The following CCDC175 variants were observed in gnomAD, a reference collection of about 807,000 sequenced individuals.
CCDC175 encodes the protein coiled-coil domain containing 175.
A neutral mutation model predicts 114.6 loss-of-function variants in CCDC175; 100 were observed. That is an observed-to-expected ratio of 0.87 (90% CI 0.74 to 1.03). The LOEUF is 1.03. Among genes scored for constraint, CCDC175 ranks in the 50% least tolerant of loss-of-function variants. The probability of loss-of-function intolerance (pLI) is 0.00; values close to 1 mark genes in which losing one functional copy is unlikely to be tolerated. For synonymous variants in CCDC175, 306 were observed against 308.7 expected, an observed-to-expected ratio of 0.99 and a Z score of 0.09; for missense variants, 880 against 917.8, an observed-to-expected ratio of 0.96 and a Z score of 0.53.
At chr14:59,514,549 T>C (rs896669043) in intron 17 of CCDC175, among the ~76,000 whole-genome samples, 1 of 152,096 alleles carries the variant, frequency 6.6e-6, no homozygotes, top group South Asian at 2.1e-4. Flanking sequence ...TTAGATCAAC[T>C]GGAAGAAAGG....
chr14:59,529,724 T>C (rs1461481796), intron 14 of CCDC175, among the ~76,000 whole-genome samples: 1 of 152,130 alleles, frequency 6.6e-6, no homozygotes, highest in Non-Finnish European at 1.5e-5. Context: ...TTTGTATCTT[T>C]TTCAGAAAAA....
chr14:59,539,835 G>A (rs1271497644), intron 11 of CCDC175, among the ~76,000 whole-genome samples: 1 of 152,170 alleles, frequency 6.6e-6, no homozygotes, highest in African/African-American at 2.4e-5. Context: ...GGGAAGCGGA[G>A]GTTGTGGTGA....
intron 3 of CCDC175, among the ~76,000 whole-genome samples, chr14:59,571,782 T>C (rs149018721): frequency 9.2e-5 from 14 of 152,174 alleles, no homozygotes; most frequent in Non-Finnish European, 1.6e-4. Context: ...AAAAATTGAA[T>C]GTACAATACA....
intron 2 of CCDC175, among the ~76,000 whole-genome samples, chr14:59,574,583 G>A (rs929534744): frequency 6.6e-6 from 1 of 152,224 alleles, no homozygotes; most frequent in African/African-American, 2.4e-5. Flanking sequence ...TTATTCCAGA[G>A]ATTGTGTGTT....
chr14:59,564,933 C>T (rs569681632), intron 5 of CCDC175, 114 bp downstream of exon 5: 321 of 775,934 alleles, frequency 4.1e-4, no homozygotes, highest in South Asian at 3.2e-3. Context: ...AGCGCGTTCA[C>T]AGAAGATACC....
chr14:59,568,632 C>A (rs185195003), intron 3 of CCDC175, among the ~76,000 whole-genome samples: 1 of 152,208 alleles, frequency 6.6e-6, no homozygotes, highest in African/African-American at 2.4e-5. Flanking sequence ...GCCTGATTCC[C>A]GCCCGTTCCA....
chr14:59,547,622 G>A (rs1362190667), intron 8 of CCDC175, among the ~76,000 whole-genome samples: 1 of 152,282 alleles, frequency 6.6e-6, no homozygotes, highest in East Asian at 1.9e-4. Context: ...TCAGTAAATG[G>A]TGCTGGTTAA....
At chr14:59,506,273 G>A (rs1208736715) in intron 19 of CCDC175, among the ~76,000 whole-genome samples, 2 of 135,416 alleles carry the variant, frequency 1.5e-5, no homozygotes, top group Non-Finnish European at 3.1e-5. Context: ...TTGAGCACAG[G>A]GATTTTTTTT....
intron 19 of CCDC175, chr14:59,510,327 C>T: frequency 8.6e-6 from 2 of 232,752 alleles, no homozygotes; most frequent in Non-Finnish European, 1.7e-5. Context: ...TTATATTCAA[C>T]TTCTGTTTAA....
chr14:59,525,542 A>C, intron 15 of CCDC175, 108 bp from the exon 16 acceptor site: 1 of 710,982 alleles, frequency 1.4e-6, no homozygotes, highest in Non-Finnish European at 2.2e-6. Context: ...TAATTTCTGA[A>C]GTATCCAGCA....
At chr14:59,561,340 G>C (rs1896218614) in intron 6 of CCDC175, 112 bp from the exon 7 acceptor site, 2 of 510,692 alleles carry the variant, frequency 3.9e-6, no homozygotes, top group African/African-American at 1.9e-5. Flanking sequence ...TACATTAGGA[G>C]TGTACTTCAA....
At chr14:59,551,861 T>A (rs1005208813) in intron 7 of CCDC175, among the ~76,000 whole-genome samples, 2 of 152,144 alleles carry the variant, frequency 1.3e-5, no homozygotes, top group African/African-American at 4.8e-5. Flanking sequence ...CCATGGAGCC[T>A]CGCTCATTGC....
chr14:59,524,977 T>C (rs1446074259), intron 16 of CCDC175, among the ~76,000 whole-genome samples: 1 of 152,212 alleles, frequency 6.6e-6, no homozygotes, highest in Admixed American at 6.5e-5. Flanking sequence ...ATACCTATAA[T>C]GTTCCAAACC....
chr14:59,538,851 G>T lies in CCDC175; in HGVS notation c.1356-11C>A. ...CACTGAGTTATAACACTAGAGATTAGAGCAAAAAGAATTGCCATTAAATTG... is the reference window on the plus strand; with the variant it reads ...CACTGAGTTATAACACTAGAGATTATAGCAAAAAGAATTGCCATTAAATTG... On this transcript the variant is annotated splice_polypyrimidine_tract_variant and intron_variant, in intron 11 of 19. Coordinates refer to ENST00000537690, the MANE Select transcript of CCDC175 (RefSeq NM_001164399.2). 1 of 1,514,256 alleles carries T rather than the reference G, an allele frequency of 6.6e-7. No homozygotes were observed. The highest frequency in any genetic ancestry group is 1.4e-5 in the African/African-American group (1 of 71,718). The allele number at this position is 1,514,256 out of a possible 1,614,324, so 93.8% of individuals were successfully genotyped here.
chr14:59,568,377 C>T lies in CCDC175; in HGVS notation c.359G>A (p.Cys120Tyr). The change falls in exon 4 of 20, where the codon TGT (cysteine) becomes TAT (tyrosine). Residue 120 changes from cysteine (C) to tyrosine (Y), a missense_variant. By Grantham distance (194) the Cys-to-Tyr change is radical (BLOSUM62 -2). Coordinates refer to ENST00000537690, the MANE Select transcript of CCDC175 (RefSeq NM_001164399.2). ...PNSIKRELEE[C>Y]VRDARRLNLF... ...ATTTAATCTGCGAGCGTCTCGGACA[C>T]ATTCTTCAAAGTAAGTGGAAATATT... The T allele has an allele frequency of 6.6e-7, 1 of 1,508,492 alleles. No homozygotes were observed. The highest frequency in any genetic ancestry group is 1.3e-5 in the South Asian group (1 of 78,022). 93.4% of individuals were successfully genotyped at this position (1,508,492 alleles called of 1,614,324 possible). A position where few individuals can be genotyped will look rare whatever the true frequency, so the allele number is the denominator to read the frequency against.
chr14:59,554,933 G>A (rs1895783578), intron 7 of CCDC175, among the ~76,000 whole-genome samples: 1 of 152,132 alleles, frequency 6.6e-6, no homozygotes, highest in South Asian at 2.1e-4. Flanking sequence ...TTGAATCCCT[G>A]AATAGACCAA....
chr14:59,530,229 T>G (rs924888504), intron 14 of CCDC175, among the ~76,000 whole-genome samples: 1 of 151,356 alleles, frequency 6.6e-6, no homozygotes, highest in African/African-American at 2.4e-5. Flanking sequence ...TGGCCAGGCA[T>G]GGTGGCGCAC....
At chr14:59,575,655 G>A (rs1050926187) in intron 1 of CCDC175, among the ~76,000 whole-genome samples, 2 of 151,252 alleles carry the variant, frequency 1.3e-5, no homozygotes, top group Admixed American at 6.6e-5. Flanking sequence ...GATTACAGAC[G>A]TGCGTCACCA....
chr14:59,528,100 T>C (rs976162018), intron 14 of CCDC175, among the ~76,000 whole-genome samples: 1 of 152,126 alleles, frequency 6.6e-6, no homozygotes, highest in African/African-American at 2.4e-5. Context: ...TATGTTTCTA[T>C]TCTATATTCT....
Sources: allele counts gnomAD v4.1 joint callset (sites outside exome capture counted in the v4.1 genomes callset), GRCh38; gene constraint gnomAD v4.1.1; transcripts MANE v1.5; gene names NCBI Gene and HGNC (gene_info 2026-07-23, HGNC 2026-07-21).